Variants in UBAP2 observed in about 807,000 individuals in gnomAD.
The protein encoded by UBAP2 is ubiquitin associated protein 2.
Under a neutral mutation model 139.6 loss-of-function variants are expected in UBAP2, and 75 were observed. That is an observed-to-expected ratio of 0.54 (90% CI 0.45 to 0.65). UBAP2 has a LOEUF of 0.65. UBAP2 is among the 30% of genes least tolerant of loss of function. The pLI is 0.00. For synonymous variants in UBAP2, 526 were observed against 526.2 expected (o/e 1.00, Z 0.01); for missense variants, 1,368 against 1,369.6 (o/e 1.00, Z 0.02).
chr9:33,941,455 G>C (rs307657), intron 16 of UBAP2, among the ~76,000 whole-genome samples, 194 bp downstream of exon 16: 29,273 of 152,078 alleles, frequency 0.19, 2,942 homozygotes, highest in South Asian at 0.36. Flanking sequence ...TGAACCTGCA[G>C]ATCTATCCAC....
At chr9:34,030,802 C>T (rs1007903452) in intron 1 of UBAP2, among the ~76,000 whole-genome samples, 2 of 151,674 alleles carry the variant, frequency 1.3e-5, no homozygotes, top group Non-Finnish European at 2.9e-5. Flanking sequence ...TAGTGGCAGG[C>T]GCCTGTAGTC....
intron 2 of UBAP2, among the ~76,000 whole-genome samples, chr9:34,002,536 C>T (rs1396209073): frequency 6.6e-6 from 1 of 152,012 alleles, no homozygotes; most frequent in African/African-American, 2.4e-5. Flanking sequence ...TGCCACCACG[C>T]CTGGCTAATT....
At chr9:33,925,060 A>G (rs1823303546) in intron 22 of UBAP2, among the ~76,000 whole-genome samples, 2 of 152,126 alleles carry the variant, frequency 1.3e-5, no homozygotes, top group Non-Finnish European at 2.9e-5. Context: ...GTGGAGACAG[A>G]GACGGCAAAG....
chr9:33,948,288 C>T (rs1825809587), intron 13 of UBAP2, 86 bp downstream of exon 13: 3 of 1,225,614 alleles, frequency 2.4e-6, no homozygotes, highest in Non-Finnish European at 2.2e-6. Context: ...TGGACAAATT[C>T]CACATTAGTC....
Position 34,017,072 on chromosome 9 carries a change from T to A in UBAP2, c.77A>T (p.Gln26Leu). 6.2e-7 allele frequency: 1 copy of A among 1,607,244 alleles called. No individual in the cohort carries two copies. The highest frequency in any genetic ancestry group is 8.5e-7 in the Non-Finnish European group (1 of 1,178,394). The change falls in exon 2 of 29, where the codon CAA becomes CTA. Residue 26 changes from glutamine to leucine, a missense_variant. Coordinates refer to ENST00000379238, the MANE Select transcript of UBAP2 (RefSeq NM_001370062.2). The part of the protein sequence containing the change: ...KPQISAAQST[Q>L]PQKQVVQATA... ...TACCTGTACCACTTGTTTCTGTGGT[T>A]GCGTTGATTGTGCTGCTGAAATCTG...
intron 6 of UBAP2, among the ~76,000 whole-genome samples, chr9:33,984,732 C>T (rs1364634177): frequency 6.6e-6 from 1 of 151,158 alleles, no homozygotes; most frequent in Non-Finnish European, 1.5e-5. Context: ...ATACAAATGG[C>T]CAAAAGGTAC....
intron 16 of UBAP2, 71 bp from the exon 17 acceptor site, chr9:33,935,949 T>C (rs964320230): frequency 1.5e-6 from 2 of 1,376,550 alleles, no homozygotes; most frequent in Non-Finnish European, 2.0e-6. Flanking sequence ...CTTTTTATAC[T>C]TTCTACAACA....
chr9:33,926,025 C>T (rs979877397), intron 22 of UBAP2, among the ~76,000 whole-genome samples: 3 of 152,214 alleles, frequency 2.0e-5, no homozygotes, highest in Non-Finnish European at 2.9e-5. Context: ...CTGGCACCAA[C>T]GGTCAGAAGA....
intron 2 of UBAP2, among the ~76,000 whole-genome samples, chr9:34,012,244 A>G (rs2131255590): frequency 6.6e-6 from 1 of 152,336 alleles, no homozygotes; most frequent in African/African-American, 2.4e-5. Flanking sequence ...TAAAAAGGAC[A>G]TTACAGCTGG....
chr9:33,986,481 G>A (rs1321851981), intron 6 of UBAP2, among the ~76,000 whole-genome samples: 2 of 152,074 alleles, frequency 1.3e-5, no homozygotes, highest in South Asian at 2.1e-4. Flanking sequence ...TATTCCAAAC[G>A]TAATACAATT....
intron 2 of UBAP2, chr9:34,011,671 A>G (rs1315524457): frequency 1.0e-5 from 10 of 987,422 alleles, no homozygotes; most frequent in South Asian, 4.7e-5. Flanking sequence ...ACAGCTTGGG[A>G]AAAAAGAGGA....
intron 16 of UBAP2, among the ~76,000 whole-genome samples, chr9:33,937,238 C>G (rs1315650262): frequency 6.6e-6 from 1 of 151,898 alleles, no homozygotes; most frequent in Non-Finnish European, 1.5e-5. Context: ...AGGGAAAAGT[C>G]TGACAAAGGT....
chr9:34,002,042 G>C (rs940889820), intron 2 of UBAP2, among the ~76,000 whole-genome samples: 2 of 150,142 alleles, frequency 1.3e-5, no homozygotes, highest in Non-Finnish European at 3.0e-5. Context: ...CCATGGCCTC[G>C]ACCTCCCAGG....
chr9:34,016,370 CGGTGGTGGTGGTGGTGGT>C (rs74180522), intron 2 of UBAP2, among the ~76,000 whole-genome samples: 10,570 of 93,716 alleles, frequency 0.11, 815 homozygotes, highest in Non-Finnish European at 0.15. Context: ...GCGGCAGCGG[CGGTGGTGGTGGTGGTGGT>C]GGTGGTGGTG....
chr9:34,045,606 T>A (rs1275638351), intron 1 of UBAP2, among the ~76,000 whole-genome samples: 1 of 151,920 alleles, frequency 6.6e-6, no homozygotes, highest in Non-Finnish European at 1.5e-5. Context: ...ACTCCCGACC[T>A]CGTGACCCGC....
At chr9:34,009,527 T>TA (rs1299982584) in intron 2 of UBAP2, among the ~76,000 whole-genome samples, 2 of 152,168 alleles carry the variant, frequency 1.3e-5, no homozygotes, top group East Asian at 3.9e-4. Context: ...CCCAAAGTGT[T>TA]GAGATTACAG....
At chr9:33,937,919 A>C (rs1238480241) in intron 16 of UBAP2, among the ~76,000 whole-genome samples, 1 of 152,098 alleles carries the variant, frequency 6.6e-6, no homozygotes, top group East Asian at 1.9e-4. Flanking sequence ...CTCCCTCTCA[A>C]AAAATAGATA....
intron 1 of UBAP2, among the ~76,000 whole-genome samples, chr9:34,019,777 T>G (rs1434547405): frequency 3.3e-5 from 5 of 149,540 alleles, no homozygotes; most frequent in African/African-American, 1.0e-4. Context: ...AAAATGGAAT[T>G]CTCCACAGAG....
Position 33,922,731 on chromosome 9 carries a change from G to A in UBAP2, c.3220C>T (p.Pro1074Ser). The change falls in exon 28 of 29, where the codon CCC (proline) becomes TCC (serine). Residue 1074 changes from proline to serine, a missense_variant. Transcript: ENST00000379238. ...TGGTGGTGCAGCAGCTGTGAGTGGG[G>A]CTGCTGGTGGGCTGGCAAGATGTGT... is the stretch of plus-strand genomic sequence containing the variant. Reference protein sequence around the residue: ...FLHILPAHQQPHSQLLHHHLP... With the variant: ...FLHILPAHQQSHSQLLHHHLP... The A allele has an allele frequency of 1.3e-6, 2 of 1,552,492 alleles. No homozygotes were observed. Among genetic ancestry groups the A allele is most frequent in the Non-Finnish European group, 1.7e-6 (2 of 1,150,108 alleles).
Sources: allele counts gnomAD v4.1 joint callset (sites outside exome capture counted in the v4.1 genomes callset), GRCh38; gene constraint gnomAD v4.1.1; transcripts MANE v1.5; gene names NCBI Gene and HGNC (gene_info 2026-07-23, HGNC 2026-07-21).